GRM7: variants seen among roughly 807,000 people sequenced by gnomAD.
GRM7 encodes the protein metabotropic glutamate receptor 7.
A neutral mutation model predicts 84.5 loss-of-function variants in GRM7; 35 were observed. That is an observed-to-expected ratio of 0.41 (90% CI 0.32 to 0.55). GRM7 has a LOEUF of 0.55. Among genes scored for constraint, GRM7 ranks in the 20% least tolerant of loss-of-function variants. GRM7 has a pLI of 0.19. For synonymous variants in GRM7, 487 were observed against 455.1 expected (o/e 1.07, Z -0.89); for missense variants, 1,003 against 1,194.6 (o/e 0.84, Z 2.36).
intron 2 of GRM7, among the ~76,000 whole-genome samples, chr3:7,291,150 T>A (rs1034678201): frequency 1.3e-5 from 2 of 152,008 alleles, no homozygotes; most frequent in African/African-American, 4.8e-5. Context: ...TTTTTTTTTT[T>A]AATATTCAGG....
rs1455214849 is a variant in GRM7, at chr3:7,362,555, C to T, written c.1034-52468C>T. 3.3e-5 allele frequency among the ~76,000 whole-genome samples: 5 copies of T among 152,088 alleles called. No individual in the cohort carries two copies. The East Asian group carries it at 5.8e-4, about 18-fold the overall frequency. ...TGATTCCTACATGGACTGCCTTTCA[C>T]GTGTTAGCTTATGCATCTGGTCTAC... On this transcript the variant is annotated intron_variant, in intron 4 of 9. Transcript: ENST00000357716.
intron 1 of GRM7, among the ~76,000 whole-genome samples, chr3:7,067,273 A>G (rs1305837092): frequency 6.6e-6 from 1 of 151,906 alleles, no homozygotes; most frequent in Admixed American, 6.6e-5. Flanking sequence ...TGTAAACCCT[A>G]CGGACTCCTC....
chr3:7,532,357 A>G (rs571864596), intron 7 of GRM7, among the ~76,000 whole-genome samples: 4 of 152,196 alleles, frequency 2.6e-5, no homozygotes, highest in Admixed American at 2.6e-4. Context: ...TGGAGGGTGT[A>G]TGCGTCCAGG....
At chr3:7,479,418 C>T (rs913129403) in intron 7 of GRM7, among the ~76,000 whole-genome samples, 8 of 151,874 alleles carry the variant, frequency 5.3e-5, no homozygotes, top group African/African-American at 9.7e-5. Flanking sequence ...GCAAAGAGTG[C>T]GCCACGTTAG....
chr3:7,021,285 G>A (rs1695765718), intron 1 of GRM7, among the ~76,000 whole-genome samples: 1 of 152,114 alleles, frequency 6.6e-6, no homozygotes, highest in Admixed American at 6.5e-5. Context: ...TCTTAATGGA[G>A]CAGAAACAAT....
intron 2 of GRM7, among the ~76,000 whole-genome samples, chr3:7,172,617 G>T (rs1375295813): frequency 3.0e-5 from 4 of 135,546 alleles, no homozygotes. Flanking sequence ...ATTGCACATG[G>T]TGTCAATGGC....
chr3:7,690,798 G>A (rs1430350497), intron 9 of GRM7, among the ~76,000 whole-genome samples: 2 of 152,168 alleles, frequency 1.3e-5, no homozygotes, highest in Non-Finnish European at 2.9e-5. Context: ...AATCAAATTG[G>A]TGGTTTTCTG....
At chr3:7,645,379 A>T (rs139220003) in intron 8 of GRM7, among the ~76,000 whole-genome samples, 4,584 of 151,436 alleles carry the variant, frequency 0.03, 201 homozygotes, top group African/African-American at 0.098. Flanking sequence ...AAACCCCGTC[A>T]CTACTAAAAA....
intron 7 of GRM7, among the ~76,000 whole-genome samples, chr3:7,547,277 C>G (rs1056180796): frequency 1.1e-4 from 16 of 146,808 alleles, no homozygotes; most frequent in South Asian, 4.4e-4. Context: ...CGTAATCTCG[C>G]CTCACTGCAA....
intron 4 of GRM7, among the ~76,000 whole-genome samples, chr3:7,317,347 G>T (rs1303465001): frequency 6.6e-6 from 1 of 151,960 alleles, no homozygotes; most frequent in Non-Finnish European, 1.5e-5. Flanking sequence ...CGAAGAATAG[G>T]CCATTGTAAG....
chr3:7,414,938 G>GAA, intron 4 of GRM7, 85 bp from the exon 5 acceptor site: 1 of 1,027,638 alleles, frequency 9.7e-7, no homozygotes, highest in Non-Finnish European at 1.4e-6. Context: ...CTGAAACAAA[G>GAA]AAAAAAAAAG....
intron 2 of GRM7, among the ~76,000 whole-genome samples, chr3:7,160,037 G>T (rs568611282): frequency 3.3e-5 from 5 of 152,064 alleles, no homozygotes. Context: ...AGGAAAAGTT[G>T]GGCTTTTAGG....
At chr3:7,243,477 T>A (rs1025834089) in intron 2 of GRM7, among the ~76,000 whole-genome samples, 2 of 152,106 alleles carry the variant, frequency 1.3e-5, no homozygotes, top group African/African-American at 4.8e-5. Context: ...GCTTCTGGGT[T>A]AAAATCCTAC....
At chr3:7,379,248 G>A (rs559993846) in intron 4 of GRM7, among the ~76,000 whole-genome samples, 9 of 151,942 alleles carry the variant, frequency 5.9e-5, no homozygotes, top group African/African-American at 2.2e-4. Flanking sequence ...AATTTTTTTT[G>A]TATTTTAGTA....
intron 7 of GRM7, among the ~76,000 whole-genome samples, chr3:7,522,398 T>C (rs1218879586): frequency 6.6e-6 from 1 of 152,142 alleles, no homozygotes; most frequent in East Asian, 1.9e-4. Context: ...AGATGTTCCT[T>C]TGTACTTCCA....
At chr3:7,098,015 AG>A (rs1490490566) in intron 1 of GRM7, among the ~76,000 whole-genome samples, 1 of 152,086 alleles carries the variant, frequency 6.6e-6, no homozygotes, top group East Asian at 1.9e-4. Flanking sequence ...AAGGGACAAA[AG>A]TAAAATAAAT....
chr3:6,980,189 G>C (rs1164903934), intron 1 of GRM7, among the ~76,000 whole-genome samples: 1 of 151,814 alleles, frequency 6.6e-6, no homozygotes, highest in African/African-American at 2.4e-5. Context: ...GAGGCCTTGG[G>C]AAAGAAAAAC....
At position 7,021,022 on chromosome 3, in the gene GRM7, G is replaced by A. The variant is rs79944027; in HGVS notation, c.520-125430G>A. ...TTTTTAATATAATACACACAAAGAA[G>A]TTAGGTCACCTTAATAAACCCTGCC... is the stretch of plus-strand genomic sequence containing the variant. On this transcript the variant is annotated intron_variant, in intron 1 of 9. Coordinates refer to ENST00000357716, the MANE Select transcript of GRM7 (RefSeq NM_000844.4). Among the ~76,000 whole-genome samples the A allele has an allele frequency of 3.6e-3, 551 of 152,210 alleles. 4 individuals carry two copies. The highest frequency in any genetic ancestry group is 6.8e-3 in the Middle Eastern group (2 of 294).
chr3:7,677,757 T>A (rs958318520), intron 8 of GRM7, among the ~76,000 whole-genome samples: 2 of 152,204 alleles, frequency 1.3e-5, no homozygotes, highest in African/African-American at 4.8e-5. Flanking sequence ...AAAGTATGTA[T>A]GTTACTGGGT....
Sources: allele counts gnomAD v4.1 joint callset (sites outside exome capture counted in the v4.1 genomes callset), GRCh38; gene constraint gnomAD v4.1.1; transcripts MANE v1.5; gene names NCBI Gene and HGNC (gene_info 2026-07-23, HGNC 2026-07-21).